The following EVC variants were observed in gnomAD, a reference collection of about 807,000 sequenced individuals.
EVC encodes evC complex member EVC.
Under a neutral mutation model 118.9 loss-of-function variants are expected in EVC, and 116 were observed. The observed-to-expected ratio is 0.98, with a 90% CI of 0.84 to 1.14. The LOEUF is 1.14. Ranked by LOEUF, EVC falls within the 50% of genes most tolerant of loss-of-function variation. EVC has a pLI of 0.00. For synonymous variants in EVC, 619 were observed against 534.7 expected (o/e 1.16, Z -2.18); for missense variants, 1,401 against 1,246.4 (o/e 1.12, Z -1.87).
chr4:5,760,831 C>T (rs750554613), intron 11 of EVC, among the ~76,000 whole-genome samples: 19 of 152,138 alleles, frequency 1.2e-4, no homozygotes, highest in Non-Finnish European at 2.2e-4. Flanking sequence ...GGATTATAGG[C>T]GTGAGCCACC....
At chr4:5,734,102 A>G (rs28540958) in intron 5 of EVC, among the ~76,000 whole-genome samples, 8,033 of 152,266 alleles carry the variant, frequency 0.053, 236 homozygotes, top group East Asian at 0.11. Flanking sequence ...GACCTGAGCT[A>G]TGGGAAGCCA....
rs1406746524 is a variant in EVC, at chr4:5,737,587, C to A, written c.703-4129C>A. On this transcript the variant is annotated intron_variant, in intron 5 of 20. Transcript: ENST00000264956. The surrounding 1 kb of genome is among the most constrained non-coding windows in gnomAD (Gnocchi z 5.0). ...TAAGTTGAAGCCAGTGCTCATGCAC[C>A]ACTCCGAAAGTCCTAGGGCCCTTAA... Among the ~76,000 whole-genome samples, 1 of 152,174 alleles carries A rather than the reference C, an allele frequency of 6.6e-6. No individual in the cohort carries two copies. Among genetic ancestry groups the A allele is most frequent in the Admixed American group, 6.5e-5 (1 of 15,276 alleles).
chr4:5,827,675 C>T, the EVC span, among the ~76,000 whole-genome samples: 869 of 151,890 alleles, frequency 5.7e-3, 5 homozygotes, highest in Non-Finnish European at 8.2e-3. Context: ...CACATACACA[C>T]GTGCATGCAT....
At chr4:5,819,091 C>T (rs1347234895), downstream of EVC, among the ~76,000 whole-genome samples, 2 of 152,178 alleles carry the variant, frequency 1.3e-5, no homozygotes, top group Non-Finnish European at 2.9e-5. Context: ...AATGGGAGAT[C>T]ATATGGGAAA....
Position 5,733,413 on chromosome 4 carries a change from C to T in EVC, c.680C>T (p.Ala227Val), listed in dbSNP as rs1245476089. 2 of 1,614,032 alleles carry T rather than the reference C, an allele frequency of 1.2e-6. No individual in the cohort carries two copies. Among genetic ancestry groups the T allele is most frequent in the Admixed American group, 3.3e-5 (2 of 60,026 alleles). The change falls in exon 5 of 21, where the codon GCA (alanine) becomes GTA (valine). Residue 227 changes from alanine to valine, a missense_variant. Ala to Val is a moderately conservative substitution (Grantham distance 64, BLOSUM62 0). Transcript: ENST00000264956. ...HLKDLLHLDT[A>V]LRQEKHMMFI... ...AAAGACCTGCTGCATTTGGACACGG[C>T]ACTGAGGCAGGAAAAGCATATGGTA... is the stretch of plus-strand genomic sequence containing the variant.
chr4:5,788,377 C>G (rs2152309124), intron 12 of EVC, among the ~76,000 whole-genome samples: 1 of 152,290 alleles, frequency 6.6e-6, no homozygotes, highest in East Asian at 1.9e-4. Flanking sequence ...CTCCCCCTCT[C>G]AGGTTTCAGT....
intron 12 of EVC, 70 bp downstream of exon 12, chr4:5,783,834 T>G: frequency 5.6e-6 from 8 of 1,431,590 alleles, no homozygotes; most frequent in Non-Finnish European, 7.7e-6. Flanking sequence ...GTGAGAGATC[T>G]CACGTCCTGA....
In EVC at chr4:5,797,802, T is replaced by C. The variant is rs141876339; in HGVS notation, c.2097+570T>C. Among the ~76,000 whole-genome samples, 127 of 152,294 alleles carry C rather than the reference T, an allele frequency of 8.3e-4. 1 individual carries two copies. The highest frequency in any genetic ancestry group is 1.3e-3 in the Non-Finnish European group (90 of 68,024). On this transcript the variant is annotated intron_variant, in intron 14 of 20. Coordinates refer to ENST00000264956, the MANE Select transcript of EVC (RefSeq NM_153717.3). ...AGTATCACTGATATAATGAGAAATA[T>C]ATACTGGAAAAACCATACGGAATCA...
intron 12 of EVC, among the ~76,000 whole-genome samples, chr4:5,787,874 T>C (rs181055257): frequency 6.6e-6 from 1 of 152,158 alleles, no homozygotes; most frequent in African/African-American, 2.4e-5. Flanking sequence ...TCACCAAGTC[T>C]GCTCTCCTCT....
chr4:5,820,161 A>T, the EVC span, among the ~76,000 whole-genome samples: 9 of 152,132 alleles, frequency 5.9e-5, no homozygotes, highest in Non-Finnish European at 1.3e-4. Context: ...GGGGATAATA[A>T]TCCCTACCTC....
At chr4:5,823,505 C>A in the EVC span, among the ~76,000 whole-genome samples, 9 of 152,302 alleles carry the variant, frequency 5.9e-5, no homozygotes, top group African/African-American at 1.9e-4. Context: ...GAAATTTGAT[C>A]CCAAAGTTGG....
At chr4:5,828,607 C>T in the EVC span, 1 of 1,614,216 alleles carries the variant, frequency 6.2e-7, no homozygotes, top group Non-Finnish European at 8.5e-7. Context: ...CTTGCCCTGG[C>T]TGATGACCAC....
chr4:5,726,961 C>T (rs563226630), intron 2 of EVC, among the ~76,000 whole-genome samples: 1 of 151,986 alleles, frequency 6.6e-6, no homozygotes, highest in African/African-American at 2.4e-5. Flanking sequence ...TTTCTTAATC[C>T]AGTCTATCAT....
At chr4:5,794,534 C>T (rs1457154036) in intron 13 of EVC, among the ~76,000 whole-genome samples, 1 of 151,194 alleles carries the variant, frequency 6.6e-6, no homozygotes, top group Non-Finnish European at 1.5e-5. Flanking sequence ...CTTCAGCCTC[C>T]CGAGTAGCTG....
rs1005244629 is a variant in EVC, at chr4:5,802,021, G to A, written c.2376G>A (p.Ala792=). 24 of 1,614,114 alleles carry A rather than the reference G, an allele frequency of 1.5e-5. 1 individual carries two copies. The highest frequency in any genetic ancestry group is 3.3e-5 in the Admixed American group (2 of 60,016). The change falls in exon 16 of 21, where the codon GCG becomes GCA. Residue 792 remains alanine, a synonymous_variant. Transcript: ENST00000264956. ...TSAGVSRLVQ[A]YYQQIGRIME... ...CTGGTGTCAGCCGCCTGGTGCAGGC[G>A]TATTACCAGCAAATCGGAAGGATCA...
chr4:5,792,850 T>C (rs1335915224), intron 12 of EVC, among the ~76,000 whole-genome samples: 2 of 152,072 alleles, frequency 1.3e-5, no homozygotes, highest in African/African-American at 4.8e-5. Context: ...AGTTGACCAA[T>C]GTGTATAAGG....
chr4:5,823,543 G>C, the EVC span, among the ~76,000 whole-genome samples: 1 of 152,208 alleles, frequency 6.6e-6, no homozygotes, highest in Admixed American at 6.5e-5. Flanking sequence ...AGGGGTTTGG[G>C]TCATGAAGGA....
the EVC span, chr4:5,821,986 G>C: frequency 3.2e-6 from 2 of 625,424 alleles, no homozygotes; most frequent in Admixed American, 6.3e-5. The surrounding 1 kb of genome is among the most constrained non-coding windows in gnomAD (Gnocchi z 4.4). Context: ...ACCAGCCATG[G>C]GAAGCCTCCC....
chr4:5,828,797 C>G, the EVC span: 1 of 1,118,394 alleles, frequency 8.9e-7, no homozygotes, highest in Non-Finnish European at 1.2e-6. Flanking sequence ...CTAAAAATAC[C>G]TTTTATTGAC....
Sources: allele counts gnomAD v4.1 joint callset (sites outside exome capture counted in the v4.1 genomes callset), GRCh38; gene constraint gnomAD v4.1.1; non-coding constraint Gnocchi (gnomAD v3.1); transcripts MANE v1.5; gene names NCBI Gene and HGNC (gene_info 2026-07-23, HGNC 2026-07-21).